Variants in XKRX observed in about 807,000 individuals in gnomAD.
The protein encoded by XKRX is XK related X-linked.
A neutral mutation model predicts 22.4 loss-of-function variants in XKRX; 11 were observed. The ratio of observed to expected loss-of-function variants is 0.49; its 90% CI spans 0.31 to 0.81. The LOEUF (loss-of-function observed/expected upper bound fraction) is 0.81, where lower values mean the gene tolerates loss of function less well. XKRX is among the 40% of genes least tolerant of loss of function. The pLI is 0.05. For synonymous variants in XKRX, 114 were observed against 132.2 expected (o/e 0.86, Z 0.94); for missense variants, 320 against 336.5 (o/e 0.95, Z 0.38).
chrX:100,949,008 C>T, the XKRX span, among the ~76,000 whole-genome samples: 1 of 112,757 alleles, frequency 8.9e-6, no homozygotes, highest in African/African-American at 3.2e-5. Flanking sequence ...TCCCTCCTTC[C>T]CCACAGTGCC....
the XKRX span, among the ~76,000 whole-genome samples, chrX:100,935,216 G>A: frequency 9.0e-6 from 1 of 110,967 alleles, no homozygotes; most frequent in Non-Finnish European, 1.9e-5. Flanking sequence ...TGTCCTTTGT[G>A]GGGGTTGCTG....
At chrX:100,916,028 A>G (rs2085433582) in intron 2 of XKRX, among the ~76,000 whole-genome samples, 1 of 108,825 alleles carries the variant, frequency 9.2e-6, no homozygotes, top group Admixed American at 1.0e-4. Context: ...AGTTGACAAT[A>G]ATGTATTGTG....
At chrX:100,888,167 G>A in the XKRX span, 1 of 1,136,750 alleles carries the variant, frequency 8.8e-7, no homozygotes, top group Non-Finnish European at 1.2e-6. Flanking sequence ...CCCTTTTCTT[G>A]CCACTGCCTC....
At chrX:100,916,275 C>CT (rs778814018) in intron 2 of XKRX, among the ~76,000 whole-genome samples, 1 of 111,696 alleles carries the variant, frequency 9.0e-6, no homozygotes, top group African/African-American at 3.3e-5. Context: ...ACCAAAATAT[C>CT]TTTTTTTGTG....
chrX:100,923,056 A>G lies in XKRX; in HGVS notation c.341T>C (p.Leu114Ser), dbSNP rs1314259514. 8.3e-7 allele frequency: 1 copy of G among 1,209,769 alleles called. No homozygotes were observed. Among genetic ancestry groups the G allele is most frequent in the African/African-American group, 1.7e-5 (1 of 57,208 alleles). The change falls in exon 2 of 3, where the codon TTG (leucine) becomes TCG (serine). Residue 114 changes from leucine (L) to serine (S), a missense_variant. Coordinates refer to ENST00000372956, the MANE Select transcript of XKRX (RefSeq NM_212559.3). Reference sequence around the variant, plus strand: ...TGTGAGGTACTTAATCATGGCCTCCAAACATCTGCAGAAGTAAAGCATCAT... The same window carrying G: ...TGTGAGGTACTTAATCATGGCCTCCGAACATCTGCAGAAGTAAAGCATCAT... ...LILLGPVIRC[L>S]EAMIKYLTLW... is the part of the protein sequence containing the mutation.
the XKRX span, among the ~76,000 whole-genome samples, chrX:100,897,388 T>C: frequency 9.1e-6 from 1 of 109,514 alleles, no homozygotes; most frequent in African/African-American, 3.3e-5. Context: ...AGTTCAAGAC[T>C]AGCCTGGCCA....
At position 100,914,848 on chromosome X, in the gene XKRX, G is replaced by A. The variant is rs1451091110; in HGVS notation, c.840C>T (p.Ile280=). 4.1e-6 allele frequency: 5 copies of A among 1,211,731 alleles called. No homozygotes were observed. The highest frequency in any genetic ancestry group is 5.6e-6 in the Non-Finnish European group (5 of 895,546). The change falls in exon 3 of 3, where the codon ATC becomes ATT. Residue 280 remains isoleucine, a synonymous_variant. Transcript: ENST00000372956. ...VPFLVLNFLI[I]LFEPWIKFWR... ...AGAACTTAATCCAGGGCTCAAAGAG[G>A]ATGATCAGGAAGTTGAGCACTAGGA...
the XKRX span, among the ~76,000 whole-genome samples, chrX:100,891,762 G>GAA: frequency 5.1e-5 from 1 of 19,686 alleles, no homozygotes; most frequent in Non-Finnish European, 9.5e-5. Flanking sequence ...GAAGAAAGAA[G>GAA]AAAAGAAAGA....
Position 100,914,074 on chromosome X carries a change from T to C in XKRX, c.*264A>G. 1 of 354,171 alleles carries C rather than the reference T, an allele frequency of 2.8e-6. No homozygotes were observed. Among genetic ancestry groups the C allele is most frequent in the Non-Finnish European group, 4.9e-6 (1 of 203,073 alleles). 29.2% of individuals were successfully genotyped at this position (354,171 alleles called of 1,213,427 possible). On this transcript the variant is annotated 3_prime_UTR_variant, in exon 3 of 3. Transcript: ENST00000372956. ...GCCTAAAGTGTTTGAAGACAAGTTATTCCAATTGACTTGGGTAAGAAGGGT... is the reference window on the plus strand; with the variant it reads ...GCCTAAAGTGTTTGAAGACAAGTTACTCCAATTGACTTGGGTAAGAAGGGT...
At chrX:100,888,260 C>A in the XKRX span, 1 of 765,587 alleles carries the variant, frequency 1.3e-6, no homozygotes, top group Non-Finnish European at 2.0e-6. Flanking sequence ...TTCTTTAATG[C>A]CACCAACAAA....
the XKRX span, among the ~76,000 whole-genome samples, chrX:100,890,119 C>T: frequency 2.4e-4 from 27 of 111,400 alleles, 1 homozygote; most frequent in South Asian, 9.5e-3. Flanking sequence ...AGTTGCTGGA[C>T]AGAAGTGAGG....
chrX:100,891,929 A>C, the XKRX span, among the ~76,000 whole-genome samples: 1 of 111,447 alleles, frequency 9.0e-6, no homozygotes, highest in African/African-American at 3.3e-5. Context: ...AAGGCCTGAA[A>C]CTGCAAAACT....
At chrX:100,916,987 C>T (rs981388509) in intron 2 of XKRX, among the ~76,000 whole-genome samples, 3 of 111,792 alleles carry the variant, frequency 2.7e-5, no homozygotes, top group Admixed American at 9.5e-5. Flanking sequence ...GGCGTGGTGG[C>T]GTGCACCTGT....
At chrX:100,930,149 C>T (rs1479433753), upstream of XKRX, among the ~76,000 whole-genome samples, 2 of 108,834 alleles carry the variant, frequency 1.8e-5, no homozygotes, top group Non-Finnish European at 3.8e-5. Flanking sequence ...ATCAGCTGGT[C>T]GTGGTGGTGC....
chrX:100,911,178 G>C, downstream of XKRX: 1 of 614,869 alleles, frequency 1.6e-6, no homozygotes, highest in Non-Finnish European at 2.8e-6. Context: ...TGCTTTGTTG[G>C]AGATGGCTTT....
At chrX:100,939,981 C>G in the XKRX span, among the ~76,000 whole-genome samples, 1 of 111,978 alleles carries the variant, frequency 8.9e-6, no homozygotes, top group African/African-American at 3.2e-5. Flanking sequence ...ACAACTCATT[C>G]AGCAAAAAGC....
At chrX:100,959,342 G>A in the XKRX span, among the ~76,000 whole-genome samples, 2 of 111,492 alleles carry the variant, frequency 1.8e-5, no homozygotes, top group Non-Finnish European at 3.8e-5. Flanking sequence ...GTATAGATGT[G>A]TTTTTAAAAA....
At chrX:100,891,762 G>A in the XKRX span, among the ~76,000 whole-genome samples, 17 of 19,668 alleles carry the variant, frequency 8.6e-4, no homozygotes, top group East Asian at 9.7e-3. Flanking sequence ...GAAGAAAGAA[G>A]AAAAGAAAGA....
At chrX:100,957,584 T>C in the XKRX span, 1 of 803,103 alleles carries the variant, frequency 1.2e-6, no homozygotes, top group Non-Finnish European at 1.8e-6. Context: ...ACCAGCACTA[T>C]TTATTTAGCC....
Sources: allele counts gnomAD v4.1 joint callset (sites outside exome capture counted in the v4.1 genomes callset), GRCh38; gene constraint gnomAD v4.1.1; transcripts MANE v1.5; gene names NCBI Gene and HGNC (gene_info 2026-07-23, HGNC 2026-07-21).